Variants in TFCP2L1 observed in about 807,000 individuals in gnomAD.
The protein encoded by TFCP2L1 is transcription factor CP2-like protein 1.
In TFCP2L1, 12 loss-of-function variants were observed where a neutral mutation model predicts 72.2. The ratio of observed to expected loss-of-function variants is 0.17; its 90% confidence interval spans 0.11 to 0.27. TFCP2L1 has a LOEUF of 0.27. Ranked by LOEUF, TFCP2L1 falls within the 10% of genes least tolerant of loss-of-function variation. The probability of loss-of-function intolerance (pLI) is 1.00; values close to 1 mark genes in which losing one functional copy is unlikely to be tolerated. For synonymous variants in TFCP2L1, 260 were observed against 251.0 expected, an observed-to-expected ratio of 1.04 and a Z score of -0.34; for missense variants, 488 against 624.6, an observed-to-expected ratio of 0.78 and a Z score of 2.33.
chr2:121,249,602 T>C lies in TFCP2L1; in HGVS notation c.260A>G (p.Asp87Gly). The C allele has an allele frequency of 6.2e-7, 1 of 1,614,184 alleles. No individual in the cohort carries two copies. The highest frequency in any genetic ancestry group is 8.5e-7 in the Non-Finnish European group (1 of 1,180,034). ...ATATTTTGTGTTCAGATCTTGAAAG[T>C]CTCCCAGCTTCCGATTCTCCAGTAG... ...IRLLENRKLG[D>G]FQDLNTKYVK... Residue 87 changes from aspartate (D) to glycine (G), a missense_variant, in exon 3 of 15, where the codon GAC (aspartate) becomes GGC (glycine). Around this residue, in one of 3 missense-constraint regions of TFCP2L1, gnomAD observed 129 missense variants for 236.0 expected, o/e 0.55. Coordinates refer to ENST00000263707, the MANE Select transcript of TFCP2L1 (RefSeq NM_014553.3).
chr2:121,238,458 A>G (rs1042244237), intron 8 of TFCP2L1, among the ~76,000 whole-genome samples: 1 of 152,254 alleles, frequency 6.6e-6, no homozygotes, highest in South Asian at 2.1e-4. Context: ...AGCGCTCTCC[A>G]GGTGGACGGC....
chr2:121,264,612 G>C (rs1397428553), intron 2 of TFCP2L1, among the ~76,000 whole-genome samples: 5 of 152,200 alleles, frequency 3.3e-5, no homozygotes, highest in Non-Finnish European at 7.3e-5. Flanking sequence ...CTGCTATCTG[G>C]CCACCAGGGC....
intron 7 of TFCP2L1, among the ~76,000 whole-genome samples, chr2:121,242,083 CAAAAAAAAAAAAA>C (rs541937558): frequency 1.5e-5 from 1 of 65,486 alleles, no homozygotes; most frequent in African/African-American, 5.2e-5. Context: ...ATTACCTACT[CAAAAAAAAAAAAA>C]AAAAAAAAAA....
chr2:121,234,705 G>A (rs570076039), intron 11 of TFCP2L1, among the ~76,000 whole-genome samples: 101 of 152,280 alleles, frequency 6.6e-4, no homozygotes, highest in Non-Finnish European at 1.0e-3. Flanking sequence ...TAAAAATTTC[G>A]TCCATCACAT....
rs112843070 is a variant in TFCP2L1, at chr2:121,259,283, CA to C, written c.215-9637del. 9.1e-3 allele frequency among the ~76,000 whole-genome samples: 1,120 copies of C among 122,994 alleles called. 7 individuals are homozygous for C. Among genetic ancestry groups the C allele is most frequent in the African/African-American group, 0.027 (900 of 33,044 alleles). The allele number at this position is 122,994 out of a possible 152,430, so 80.7% of individuals were successfully genotyped here. On this transcript the variant is annotated intron_variant, in intron 2 of 14. Coordinates refer to ENST00000263707, the MANE Select transcript of TFCP2L1 (RefSeq NM_014553.3). The stretch of plus-strand genomic sequence containing the variant: ...GGGCAATAAGAGTGAAACTCTGTCT[CA>C]AAAAAAAAAAAAGATCATGTTGTCT...
Position 121,223,417 on chromosome 2 carries a change from G to C in TFCP2L1, c.*924C>G, listed in dbSNP as rs994256523. On this transcript the variant is annotated 3_prime_UTR_variant, in exon 15 of 15. Transcript: ENST00000263707. ...ACACATCGCTCCTGTGGCAAGTTTA[G>C]CAGCGGTTCAACAAGGTCTTCTCTA... 1 of 152,184 alleles carries C rather than the reference G, an allele frequency of 6.6e-6. No homozygotes were observed. The highest frequency in any genetic ancestry group is 6.5e-5 in the Admixed American group (1 of 15,274). The allele number at this position is 152,184 out of a possible 1,614,324, so 9.4% of individuals were successfully genotyped here.
intron 2 of TFCP2L1, among the ~76,000 whole-genome samples, chr2:121,261,186 A>AC (rs1686824911): frequency 6.6e-6 from 1 of 152,236 alleles, no homozygotes. Context: ...AGCCTGATGG[A>AC]CTATCACCTG....
intron 1 of TFCP2L1, among the ~76,000 whole-genome samples, chr2:121,284,031 C>T (rs1275482282): frequency 6.6e-6 from 1 of 152,198 alleles, no homozygotes; most frequent in African/African-American, 2.4e-5. Context: ...GGGATGTCTT[C>T]AGGGAGGACA....
rs1324883009 is a variant in TFCP2L1, at chr2:121,250,740, G to T, written c.215-1093C>A. Among the ~76,000 whole-genome samples the T allele has an allele frequency of 4.0e-5, 6 of 151,178 alleles. No individual in the cohort carries two copies. The East Asian group carries it at 1.2e-3, about 30-fold the overall frequency. ...TCCTGCCTCAGCCTCCTGAGTAGCT[G>T]AGATTACAGGCGCCTGCCACCACGC... On this transcript the variant is annotated intron_variant, in intron 2 of 14. Transcript: ENST00000263707.
chr2:121,233,122 A>G (rs773457860), intron 12 of TFCP2L1, among the ~76,000 whole-genome samples: 89 of 152,168 alleles, frequency 5.8e-4, no homozygotes, highest in Non-Finnish European at 1.0e-3. Flanking sequence ...GTTTCAGACC[A>G]GCCTGGGCAA....
intron 4 of TFCP2L1, among the ~76,000 whole-genome samples, chr2:121,248,552 A>G (rs1686536966): frequency 6.6e-6 from 1 of 152,146 alleles, no homozygotes; most frequent in Non-Finnish European, 1.5e-5. Context: ...GGGTACACAC[A>G]TCGTATTGTC....
In TFCP2L1 at chr2:121,249,551, G is replaced by C; in HGVS notation, c.291+20C>G. ...CAAGCCCCTCTCCCCGAGGCAATGA[G>C]AACAGCCTGTGAGGCTTACCTTGAC... On this transcript the variant is annotated intron_variant, in intron 3 of 14. Transcript: ENST00000263707. The C allele has an allele frequency of 6.2e-7, 1 of 1,613,286 alleles. No individual in the cohort carries two copies. The highest frequency in any genetic ancestry group is 1.1e-5 in the South Asian group (1 of 91,056).
Position 121,222,548 on chromosome 2 carries a change from G to C in TFCP2L1, c.*1793C>G, listed in dbSNP as rs1278192721. The C allele has an allele frequency of 6.6e-6, 1 of 152,226 alleles. No homozygotes were observed. The highest frequency in any genetic ancestry group is 2.4e-5 in the African/African-American group (1 of 41,454). The allele number at this position is 152,226 out of a possible 1,614,324, so 9.4% of individuals were successfully genotyped here. A position where few individuals can be genotyped will look rare whatever the true frequency, so the allele number is the denominator to read the frequency against. Reference sequence around the variant, plus strand: ...TCAGTGGAAGAAGCCAGTCACAAAAGAGATATCACATGATTCCAGATATAT... The same window carrying C: ...TCAGTGGAAGAAGCCAGTCACAAAACAGATATCACATGATTCCAGATATAT... On this transcript the variant is annotated 3_prime_UTR_variant, in exon 15 of 15. Transcript: ENST00000263707.
At chr2:121,274,120 A>C (rs973875511) in intron 2 of TFCP2L1, among the ~76,000 whole-genome samples, 2 of 151,864 alleles carry the variant, frequency 1.3e-5, no homozygotes, top group African/African-American at 2.4e-5. Context: ...GAAAAAAAAA[A>C]CCAATTGTAT....
At chr2:121,256,287 AC>A (rs148096612) in intron 2 of TFCP2L1, among the ~76,000 whole-genome samples, 6,560 of 152,304 alleles carry the variant, frequency 0.043, 219 homozygotes, top group East Asian at 0.13. Context: ...AAGTCATGGC[AC>A]ACTAAAGCCA....
chr2:121,232,987 C>G (rs994698171), intron 12 of TFCP2L1, among the ~76,000 whole-genome samples: 6 of 152,174 alleles, frequency 3.9e-5, no homozygotes, highest in South Asian at 4.1e-4. Context: ...CTGAGAAACC[C>G]TTGGTTCAAC....
In TFCP2L1 at chr2:121,257,939, G is replaced by A. The variant is rs1304466363; in HGVS notation, c.215-8292C>T. ...AACGGAAAGCTCTGAGAACCGGCCC[G>A]CCACCAGTTCACCCGAACCAGGTCA... On this transcript the variant is annotated intron_variant, in intron 2 of 14. Coordinates refer to ENST00000263707, the MANE Select transcript of TFCP2L1 (RefSeq NM_014553.3). Among the ~76,000 whole-genome samples the A allele has an allele frequency of 4.0e-5, 6 of 151,840 alleles. No homozygotes were observed. The South Asian group carries it at 6.2e-4, about 16-fold the overall frequency.
At chr2:121,269,029 T>G (rs1474543387) in intron 2 of TFCP2L1, among the ~76,000 whole-genome samples, 2 of 151,842 alleles carry the variant, frequency 1.3e-5, no homozygotes, top group African/African-American at 4.8e-5. Flanking sequence ...GGCTTTTTTT[T>G]TTATTAAAAA....
chr2:121,229,212 C>T (rs1308388033), intron 13 of TFCP2L1, among the ~76,000 whole-genome samples: 2 of 152,086 alleles, frequency 1.3e-5, no homozygotes, highest in East Asian at 1.9e-4. Context: ...CCACCATGCC[C>T]GGACTGCATG....
Sources: allele counts gnomAD v4.1 joint callset (sites outside exome capture counted in the v4.1 genomes callset), GRCh38; gene constraint gnomAD v4.1.1; regional missense constraint gnomAD v4.1.1; transcripts MANE v1.5; gene names NCBI Gene and HGNC (gene_info 2026-07-23, HGNC 2026-07-21).